MGST2: variants seen among roughly 807,000 people sequenced by gnomAD.
MGST2 encodes microsomal glutathione S-transferase 2.
MGST2 carries 9 observed loss-of-function variants against 16.6 expected under a neutral mutation model. The ratio of observed to expected loss-of-function variants is 0.54; its 90% confidence interval spans 0.33 to 0.95. MGST2 has a LOEUF of 0.95. MGST2 is among the 40% of genes least tolerant of loss of function. The pLI is 0.03. For missense variants in MGST2, 159 were observed against 175.1 expected (o/e 0.91, Z 0.52); for synonymous variants, 79 against 68.0 (o/e 1.16, Z -0.79).
chr4:139,666,341 G>A (rs890877992), intron 1 of MGST2, among the ~76,000 whole-genome samples: 4 of 152,046 alleles, frequency 2.6e-5, no homozygotes, highest in Non-Finnish European at 5.9e-5. Context: ...GGGCCTCAGA[G>A]CTCAGCGATT....
the MGST2 span, among the ~76,000 whole-genome samples, chr4:139,748,236 G>A: frequency 6.6e-6 from 1 of 152,018 alleles, no homozygotes; most frequent in Non-Finnish European, 1.5e-5. Context: ...GATGGGAATT[G>A]AGGTTTGGGG....
chr4:139,682,959 C>G (rs377315582), intron 2 of MGST2, among the ~76,000 whole-genome samples: 1 of 152,236 alleles, frequency 6.6e-6, no homozygotes, highest in Non-Finnish European at 1.5e-5. Flanking sequence ...TCACCACCCA[C>G]GAGCTGGAGA....
intron 5 of MGST2, among the ~76,000 whole-genome samples, chr4:139,739,240 T>G (rs1048805810): frequency 2.6e-5 from 4 of 152,222 alleles, no homozygotes; most frequent in African/African-American, 9.6e-5. Context: ...CTGCTGAATG[T>G]TAAAGAAAGG....
intron 5 of MGST2, chr4:139,719,719 G>A: frequency 6.2e-7 from 1 of 1,613,630 alleles, no homozygotes; most frequent in Non-Finnish European, 8.5e-7. Flanking sequence ...CGACTGACTG[G>A]CTCAGTCCCT....
At chr4:139,744,315 A>G (rs1729255621), downstream of MGST2, among the ~76,000 whole-genome samples, 2 of 152,154 alleles carry the variant, frequency 1.3e-5, no homozygotes. Context: ...CAGCTTCCAG[A>G]TCTTAGAGTT....
intron 2 of MGST2, among the ~76,000 whole-genome samples, chr4:139,693,421 A>G (rs911323714): frequency 1.7e-4 from 26 of 152,084 alleles, no homozygotes; most frequent in African/African-American, 5.5e-4. Context: ...AAAAAAAAAA[A>G]AAAGAAATTT....
chr4:139,711,166 A>T (rs1291208532), intron 5 of MGST2, among the ~76,000 whole-genome samples: 1 of 151,992 alleles, frequency 6.6e-6, no homozygotes, highest in Non-Finnish European at 1.5e-5. Context: ...GGAATGCATC[A>T]CCATGACCGG....
At chr4:139,746,719 C>T in the MGST2 span, among the ~76,000 whole-genome samples, 9 of 152,182 alleles carry the variant, frequency 5.9e-5, no homozygotes, top group Admixed American at 3.9e-4. Flanking sequence ...TTTCACCTCC[C>T]CCCTTCTCCT....
chr4:139,738,760 G>GA (rs1430436513), intron 5 of MGST2, among the ~76,000 whole-genome samples: 2 of 151,986 alleles, frequency 1.3e-5, no homozygotes, highest in East Asian at 1.9e-4. Flanking sequence ...AAAGTATACA[G>GA]AAAAAAGCTA....
chr4:139,716,805 T>G (rs1331282471), intron 5 of MGST2: 2 of 152,722 alleles, frequency 1.3e-5, no homozygotes, highest in East Asian at 3.9e-4. Context: ...AAGTGGTATG[T>G]CAACATCACT....
the MGST2 span, among the ~76,000 whole-genome samples, chr4:139,747,903 A>C: frequency 5.3e-5 from 8 of 150,152 alleles, no homozygotes; most frequent in Non-Finnish European, 1.2e-4. Context: ...AAAATACAAA[A>C]ATTAGCTGGG....
intron 5 of MGST2, among the ~76,000 whole-genome samples, chr4:139,736,688 A>G (rs1044295324): frequency 6.6e-6 from 1 of 152,178 alleles, no homozygotes; most frequent in African/African-American, 2.4e-5. Flanking sequence ...GATCAAATGC[A>G]TTAGTCCCCA....
chr4:139,707,513 C>T (rs866971867), downstream of MGST2, among the ~76,000 whole-genome samples: 4 of 152,160 alleles, frequency 2.6e-5, no homozygotes, highest in Non-Finnish European at 5.9e-5. Context: ...AATAAACATA[C>T]GTGTGCATGT....
chr4:139,703,174 C>T (rs542890869), intron 3 of MGST2, among the ~76,000 whole-genome samples: 26 of 152,022 alleles, frequency 1.7e-4, no homozygotes, highest in Middle Eastern at 3.4e-3. Context: ...GATTCACCCC[C>T]CCTCGGCCTC....
At chr4:139,685,742 C>T (rs1283492351) in intron 2 of MGST2, among the ~76,000 whole-genome samples, 1 of 152,252 alleles carries the variant, frequency 6.6e-6, no homozygotes, top group Non-Finnish European at 1.5e-5. Context: ...TGGCTCACTG[C>T]AACCTCCCCT....
At chr4:139,683,530 A>G (rs955111865) in intron 2 of MGST2, among the ~76,000 whole-genome samples, 2 of 152,154 alleles carry the variant, frequency 1.3e-5, no homozygotes, top group African/African-American at 2.4e-5. Flanking sequence ...TGATTGCATC[A>G]TAAACTGACA....
chr4:139,732,306 TG>T, intron 5 of MGST2, among the ~76,000 whole-genome samples: 1 of 152,224 alleles, frequency 6.6e-6, no homozygotes, highest in Non-Finnish European at 1.5e-5. Flanking sequence ...CCCTATGGCT[TG>T]GGCTTGTGTT....
chr4:139,693,083 T>G (rs1331900520), intron 2 of MGST2, among the ~76,000 whole-genome samples: 1 of 152,198 alleles, frequency 6.6e-6, no homozygotes, highest in Non-Finnish European at 1.5e-5. Flanking sequence ...CAATAAATGA[T>G]GGGACAATTG....
chr4:139,682,125 G>C (rs1731274076), intron 2 of MGST2, among the ~76,000 whole-genome samples: 2 of 152,010 alleles, frequency 1.3e-5, no homozygotes, highest in South Asian at 4.2e-4. Context: ...GAGCCCAGGA[G>C]TTCAAGGCTT....
Sources: allele counts gnomAD v4.1 joint callset (sites outside exome capture counted in the v4.1 genomes callset), GRCh38; gene constraint gnomAD v4.1.1; transcripts MANE v1.5; gene names NCBI Gene and HGNC (gene_info 2026-07-23, HGNC 2026-07-21).